The following SYNRG variants were observed in gnomAD, a reference collection of about 807,000 sequenced individuals.
SYNRG encodes the protein synergin gamma.
A neutral mutation model predicts 130.9 loss-of-function variants in SYNRG; 37 were observed. The observed-to-expected ratio is 0.28, with a 90% CI of 0.22 to 0.37. The LOEUF is 0.37. SYNRG is among the 10% of genes least tolerant of loss of function. The probability of loss-of-function intolerance (pLI) is 1.00; values close to 1 mark genes in which losing one functional copy is unlikely to be tolerated. For synonymous variants in SYNRG, 539 were observed against 568.1 expected (o/e 0.95, Z 0.73); for missense variants, 1,338 against 1,588.9 (o/e 0.84, Z 2.68).
Position 37,553,471 on chromosome 17 carries a change from A to C in SYNRG, c.2252T>G (p.Leu751Arg). The C allele has an allele frequency of 6.2e-7, 1 of 1,614,168 alleles. No individual in the cohort carries two copies. The highest frequency in any genetic ancestry group is 8.5e-7 in the Non-Finnish European group (1 of 1,180,020). ...ACCTAGTCCAGACCCTTCCAGAGAAAGTTGTCTGAAGACATCGTACTTGGT... is the reference window on the plus strand; with the variant it reads ...ACCTAGTCCAGACCCTTCCAGAGAACGTTGTCTGAAGACATCGTACTTGGT... ...ASTKYDVFRQ[L>R]SLEGSGLGVE... The change falls in exon 14 of 22, where the codon CTT becomes CGT. Residue 751 changes from leucine (L) to arginine (R), a missense_variant. By Grantham distance (102) the Leu-to-Arg change is moderately radical. Around this residue, in one of 3 missense-constraint regions of SYNRG, gnomAD observed 1,146 missense variants for 1,342.3 expected, o/e 0.85. Transcript: ENST00000612223.
chr17:37,588,121 CTTAA>C (rs2061841250), intron 3 of SYNRG, among the ~76,000 whole-genome samples: 3 of 152,226 alleles, frequency 2.0e-5, no homozygotes, highest in Middle Eastern at 3.4e-3. Context: ...CCTTAATTCC[CTTAA>C]TTGTCAATTC....
At chr17:37,572,056 G>A in intron 8 of SYNRG, 69 bp from the exon 9 acceptor site, 1 of 1,325,608 alleles carries the variant, frequency 7.5e-7, no homozygotes, top group Non-Finnish European at 1.1e-6. Context: ...GGATGCCATT[G>A]TTGGTATACA....
chr17:37,536,298 T>C (rs2057187930), intron 18 of SYNRG, 171 bp from the exon 19 acceptor site: 18 of 804,928 alleles, frequency 2.2e-5, no homozygotes, highest in Non-Finnish European at 3.4e-5. Flanking sequence ...CTGTATAGCT[T>C]ACTGGTAAGA....
chr17:37,534,331 G>C (rs1018615924), intron 19 of SYNRG, among the ~76,000 whole-genome samples: 10 of 152,068 alleles, frequency 6.6e-5, no homozygotes, highest in African/African-American at 2.2e-4. Context: ...CCTGAATTTA[G>C]ATTAAAAAAT....
chr17:37,538,415 A>C lies in SYNRG; in HGVS notation c.3426T>G (p.Ile1142Met). 1 of 1,603,096 alleles carries C rather than the reference A, an allele frequency of 6.2e-7. No individual in the cohort carries two copies. Among genetic ancestry groups the C allele is most frequent in the Non-Finnish European group, 8.5e-7 (1 of 1,174,962 alleles). The change falls in exon 18 of 22, where the codon ATT becomes ATG. Residue 1142 changes from isoleucine to methionine, a missense_variant. By Grantham distance (10) the Ile-to-Met change is conservative. Transcript: ENST00000612223. ...QRCLGSALNV[I>M]KKANDTLNGI... The stretch of plus-strand genomic sequence containing the variant: ...CATTTAAGGTATCATTTGCCTTCTT[A>C]ATGACCTACAAGAAATGAAATCACA...
intron 19 of SYNRG, among the ~76,000 whole-genome samples, chr17:37,529,571 G>A (rs961965168): frequency 4.0e-5 from 6 of 151,666 alleles, no homozygotes; most frequent in African/African-American, 1.5e-4. Context: ...GAAAAGGTGT[G>A]GAGGGGTGTT....
At chr17:37,531,060 G>A (rs1376749790) in intron 19 of SYNRG, among the ~76,000 whole-genome samples, 1 of 152,122 alleles carries the variant, frequency 6.6e-6, no homozygotes, top group East Asian at 1.9e-4. Flanking sequence ...ACAAGCCTGG[G>A]CAACATAGTG....
chr17:37,572,780 C>A (rs1167408325), intron 8 of SYNRG, among the ~76,000 whole-genome samples: 1 of 152,144 alleles, frequency 6.6e-6, no homozygotes, highest in Non-Finnish European at 1.5e-5. Flanking sequence ...GGAAGCAGAA[C>A]AAGTGTCTTA....
At chr17:37,575,530 G>A (rs1308009694) in intron 8 of SYNRG, among the ~76,000 whole-genome samples, 2 of 150,820 alleles carry the variant, frequency 1.3e-5, no homozygotes, top group African/African-American at 2.4e-5. Flanking sequence ...TCTTGGCTCA[G>A]CAGTAAAAAT....
intron 3 of SYNRG, among the ~76,000 whole-genome samples, chr17:37,587,626 AC>A (rs1449766260): frequency 4.6e-5 from 7 of 152,126 alleles, no homozygotes; most frequent in African/African-American, 1.7e-4. Flanking sequence ...TCATCTACTG[AC>A]CCTCAACTTC....
intron 11 of SYNRG, among the ~76,000 whole-genome samples, chr17:37,564,992 G>A (rs979258873): frequency 9.9e-5 from 15 of 152,146 alleles, no homozygotes; most frequent in African/African-American, 2.7e-4. Context: ...AGCTGGGCAT[G>A]GTGGCTCACG....
In SYNRG at chr17:37,574,032, C is replaced by T. The variant is rs186401496; in HGVS notation, c.902-2045G>A. Reference sequence around the variant, plus strand: ...AATTATACTACAAAGCTATAGTAACCAAAACAGCATAGTAATAACACAAAA... The same window carrying T: ...AATTATACTACAAAGCTATAGTAACTAAAACAGCATAGTAATAACACAAAA... On this transcript the variant is annotated intron_variant, in intron 8 of 21. Coordinates refer to ENST00000612223, the MANE Select transcript of SYNRG (RefSeq NM_007247.6). Among the ~76,000 whole-genome samples, 393 of 152,124 alleles carry T rather than the reference C, an allele frequency of 2.6e-3. 1 individual carries two copies. Among genetic ancestry groups the T allele is most frequent in the Non-Finnish European group, 4.7e-3 (318 of 67,994 alleles).
intron 13 of SYNRG, among the ~76,000 whole-genome samples, chr17:37,559,832 G>A (rs2059395901): frequency 6.6e-6 from 1 of 152,148 alleles, no homozygotes; most frequent in South Asian, 2.1e-4. Context: ...TTTGACAAGG[G>A]AATTTAACTT....
At chr17:37,576,496 C>T (rs11654048) in intron 7 of SYNRG, 78 bp from the exon 8 acceptor site, 817,472 of 1,371,248 alleles carry the variant, frequency 0.6, 251,127 homozygotes, top group African/African-American at 0.91. Context: ...TGGTTTTTTA[C>T]AAAGAGCACT....
chr17:37,559,812 A>G (rs1441491146), intron 13 of SYNRG, among the ~76,000 whole-genome samples: 1 of 152,232 alleles, frequency 6.6e-6, no homozygotes, highest in African/African-American at 2.4e-5. Context: ...CAGAGTAACC[A>G]TGGCTCTCAT....
At chr17:37,572,573 G>C (rs2060512876) in intron 8 of SYNRG, among the ~76,000 whole-genome samples, 1 of 152,224 alleles carries the variant, frequency 6.6e-6, no homozygotes, top group African/African-American at 2.4e-5. Context: ...ATTGTAACAA[G>C]ACAGCATGCT....
chr17:37,571,202 T>C (rs1235537864), intron 9 of SYNRG, among the ~76,000 whole-genome samples: 1 of 152,222 alleles, frequency 6.6e-6, no homozygotes, highest in Non-Finnish European at 1.5e-5. Flanking sequence ...TTTATCTGTA[T>C]CTATGAAATT....
chr17:37,605,418 C>A (rs768458257), intron 1 of SYNRG, among the ~76,000 whole-genome samples: 2 of 152,166 alleles, frequency 1.3e-5, no homozygotes, highest in Non-Finnish European at 2.9e-5. Context: ...TCCTTTACCC[C>A]CTGTCTGGTT....
chr17:37,606,783 T>C (rs557152122), intron 1 of SYNRG, among the ~76,000 whole-genome samples: 4 of 152,332 alleles, frequency 2.6e-5, no homozygotes, highest in South Asian at 4.1e-4. Flanking sequence ...GAAAACGTTA[T>C]TGTGTTTTGC....
Sources: gnomAD v4.1 joint callset for allele counts (sites outside exome capture counted in the v4.1 genomes callset) on GRCh38, gnomAD v4.1.1 for gene constraint, gnomAD v4.1.1 regional missense constraint, MANE v1.5 for transcripts, NCBI Gene and HGNC (gene_info 2026-07-23, HGNC 2026-07-21) for gene names.